KCNMB2: variants seen among roughly 807,000 people sequenced by gnomAD.
The protein encoded by KCNMB2 is calcium-activated potassium channel subunit beta-2.
KCNMB2 carries 9 observed loss-of-function variants against 24.5 expected under a neutral mutation model. That is an observed-to-expected ratio of 0.37 (90% CI 0.22 to 0.64). The LOEUF is 0.64. Ranked by LOEUF, KCNMB2 falls within the 30% of genes least tolerant of loss-of-function variation. KCNMB2 has a pLI of 0.63. For synonymous variants in KCNMB2, 109 were observed against 104.4 expected (o/e 1.04, Z -0.27); for missense variants, 226 against 284.3 (o/e 0.79, Z 1.47).
chr3:178,642,208 G>A (rs1172437751), intron 1 of KCNMB2, among the ~76,000 whole-genome samples: 1 of 152,118 alleles, frequency 6.6e-6, no homozygotes, highest in East Asian at 1.9e-4. Context: ...TTTTGACATT[G>A]GGATTGTAAA....
chr3:178,620,945 T>C (rs1718900328), intron 1 of KCNMB2, among the ~76,000 whole-genome samples: 1 of 152,196 alleles, frequency 6.6e-6, no homozygotes, highest in Admixed American at 6.5e-5. Flanking sequence ...CCAAAGCAGT[T>C]TGAAGCCAAA....
chr3:178,814,811 T>C (rs955519951), intron 2 of KCNMB2, among the ~76,000 whole-genome samples: 3 of 152,124 alleles, frequency 2.0e-5, no homozygotes, highest in Non-Finnish European at 4.4e-5. Flanking sequence ...CACTTTTCAA[T>C]GGGTTATTTG....
At chr3:178,837,505 A>C (rs905033817) in intron 4 of KCNMB2, among the ~76,000 whole-genome samples, 11 of 152,218 alleles carry the variant, frequency 7.2e-5, no homozygotes, top group African/African-American at 2.7e-4. Context: ...AAAGTACATG[A>C]CTGATTGACA....
chr3:178,603,318 T>C (rs1475627413), intron 1 of KCNMB2, among the ~76,000 whole-genome samples: 1 of 151,668 alleles, frequency 6.6e-6, no homozygotes, highest in African/African-American at 2.4e-5. Flanking sequence ...CTAAAAGAAA[T>C]AGAAAAATGG....
chr3:178,606,858 G>A (rs1041829710), intron 1 of KCNMB2, among the ~76,000 whole-genome samples: 13 of 152,048 alleles, frequency 8.5e-5, no homozygotes, highest in African/African-American at 1.7e-4. Context: ...CTTCAATCTC[G>A]GGAAATACAA....
chr3:178,796,411 A>T (rs1351370081), intron 1 of KCNMB2, among the ~76,000 whole-genome samples: 1 of 152,222 alleles, frequency 6.6e-6, no homozygotes, highest in Non-Finnish European at 1.5e-5. Context: ...TTGACCTAAT[A>T]GATATTTACA....
intron 1 of KCNMB2, among the ~76,000 whole-genome samples, chr3:178,573,118 C>A (rs1716864609): frequency 6.6e-6 from 1 of 151,994 alleles, no homozygotes; most frequent in African/African-American, 2.4e-5. Flanking sequence ...CCAAGATTCT[C>A]TTGCCTCAGC....
chr3:178,781,131 ATAT>A (rs1163205977), intron 1 of KCNMB2, among the ~76,000 whole-genome samples: 1 of 152,108 alleles, frequency 6.6e-6, no homozygotes, highest in Admixed American at 6.5e-5. Context: ...TAAATAAAAT[ATAT>A]TATTAGAATT....
At chr3:178,642,975 TAG>T (rs1719780875) in intron 1 of KCNMB2, among the ~76,000 whole-genome samples, 1 of 152,230 alleles carries the variant, frequency 6.6e-6, no homozygotes, top group African/African-American at 2.4e-5. Flanking sequence ...AAGTTGTTTG[TAG>T]AGTCAGTTAT....
intron 1 of KCNMB2, among the ~76,000 whole-genome samples, chr3:178,653,401 C>T (rs910382118): frequency 1.3e-5 from 2 of 151,936 alleles, no homozygotes; most frequent in African/African-American, 2.4e-5. Flanking sequence ...TGTCTCTTCC[C>T]TTCTAATTCT....
At chr3:178,646,274 G>A (rs1577069754) in intron 1 of KCNMB2, among the ~76,000 whole-genome samples, 1 of 152,104 alleles carries the variant, frequency 6.6e-6, no homozygotes, top group East Asian at 1.9e-4. Flanking sequence ...CTGGGCAGTG[G>A]ACTCTTAAGG....
chr3:178,761,494 A>G (rs1031095072), intron 1 of KCNMB2, among the ~76,000 whole-genome samples: 1 of 152,208 alleles, frequency 6.6e-6, no homozygotes, highest in African/African-American at 2.4e-5. Flanking sequence ...TAGAGTTGGC[A>G]AAACAAAAGA....
intron 1 of KCNMB2, among the ~76,000 whole-genome samples, chr3:178,571,447 GATATATATATAT>G (rs71181237): frequency 0.064 from 5,803 of 91,064 alleles, 286 homozygotes; most frequent in African/African-American, 0.082. Context: ...TTTCCTTATG[GATATATATATAT>G]ATATATATAT....
intron 1 of KCNMB2, chr3:178,749,006 A>C (rs1370587848): frequency 1.1e-4 from 16 of 152,224 alleles, no homozygotes; most frequent in Admixed American, 1.0e-3. Flanking sequence ...AGCACAAGGA[A>C]CTTTATTAAT....
chr3:178,646,323 T>C (rs1239861841), intron 1 of KCNMB2, among the ~76,000 whole-genome samples: 1 of 152,204 alleles, frequency 6.6e-6, no homozygotes, highest in East Asian at 1.9e-4. Context: ...TGGCTCAACC[T>C]CCATGACAAA....
chr3:178,670,119 G>C (rs367814536), intron 1 of KCNMB2, among the ~76,000 whole-genome samples: 5 of 152,252 alleles, frequency 3.3e-5, no homozygotes, highest in African/African-American at 9.6e-5. Context: ...CACTTATTGA[G>C]CCAGAAGCAT....
At chr3:178,722,764 A>G (rs1474465062) in intron 1 of KCNMB2, among the ~76,000 whole-genome samples, 1 of 152,104 alleles carries the variant, frequency 6.6e-6, no homozygotes, top group African/African-American at 2.4e-5. Context: ...GTGGTGATGC[A>G]TGCTTGTGGT....
At chr3:178,653,052 T>C (rs1720190457) in intron 1 of KCNMB2, among the ~76,000 whole-genome samples, 1 of 152,198 alleles carries the variant, frequency 6.6e-6, no homozygotes, top group Non-Finnish European at 1.5e-5. Context: ...AATTAATTGA[T>C]ATATTAATTT....
intron 1 of KCNMB2, among the ~76,000 whole-genome samples, chr3:178,751,859 T>C (rs1454947918): frequency 1.3e-5 from 2 of 152,260 alleles, no homozygotes; most frequent in South Asian, 2.1e-4. Context: ...TTTGAGATCC[T>C]AATATATCCA....
Sources: gnomAD v4.1 joint callset for allele counts (sites outside exome capture counted in the v4.1 genomes callset) on GRCh38, gnomAD v4.1.1 for gene constraint, MANE v1.5 for transcripts, NCBI Gene and HGNC (gene_info 2026-07-23, HGNC 2026-07-21) for gene names.